The following NRG1 variants were observed in gnomAD, a reference collection of about 807,000 sequenced individuals.
NRG1 encodes neuregulin 1.
Under a neutral mutation model 63.8 loss-of-function variants are expected in NRG1, and 18 were observed. That is an observed-to-expected ratio of 0.28 (90% CI 0.19 to 0.42). The LOEUF is 0.42. Among genes scored for constraint, NRG1 ranks in the 10% least tolerant of loss-of-function variants. NRG1 has a pLI of 1.00. For synonymous variants in NRG1, 302 were observed against 301.3 expected (o/e 1.00, Z -0.02); for missense variants, 762 against 814.7 (o/e 0.94, Z 0.79).
chr8:31,832,249 GTT>G (rs5890599), intron 1 of NRG1, among the ~76,000 whole-genome samples: 153 of 136,108 alleles, frequency 1.1e-3, no homozygotes, highest in South Asian at 2.9e-3. Flanking sequence ...AAATGCTCTA[GTT>G]TTTTTTTTTT....
At chr8:32,377,639 C>G (rs1242488009) in intron 1 of NRG1, among the ~76,000 whole-genome samples, 1 of 152,200 alleles carries the variant, frequency 6.6e-6, no homozygotes, top group East Asian at 1.9e-4. Flanking sequence ...GAAAACCACA[C>G]AGCAGCTTGG....
At chr8:32,293,453 T>C (rs1235660477) in intron 1 of NRG1, among the ~76,000 whole-genome samples, 5 of 152,168 alleles carry the variant, frequency 3.3e-5, no homozygotes, top group Non-Finnish European at 7.3e-5. Flanking sequence ...GCTGACACAT[T>C]GATTTTGTCC....
At chr8:31,924,151 G>A (rs983582357) in intron 1 of NRG1, among the ~76,000 whole-genome samples, 1 of 151,798 alleles carries the variant, frequency 6.6e-6, no homozygotes, top group Admixed American at 6.6e-5. Flanking sequence ...TCAGGAGTTC[G>A]AGACCAGCCT....
exon 12 of NRG1, chr8:32,767,409 C>T (rs1831510835): frequency 6.6e-6 from 1 of 152,178 alleles, no homozygotes; most frequent in South Asian, 2.1e-4. Flanking sequence ...GGCTGCATTC[C>T]ACCAGCCAGA....
chr8:32,296,912 C>T (rs978914918), intron 1 of NRG1, among the ~76,000 whole-genome samples: 38 of 152,070 alleles, frequency 2.5e-4, no homozygotes, highest in African/African-American at 8.4e-4. Flanking sequence ...GTCAAGAGAT[C>T]GAAACCATCC....
intron 1 of NRG1, among the ~76,000 whole-genome samples, chr8:32,283,772 G>T (rs545595325): frequency 6.6e-6 from 1 of 152,236 alleles, no homozygotes; most frequent in South Asian, 2.1e-4. Flanking sequence ...CACCTGCAAG[G>T]TGTTGACTTT....
At chr8:31,929,540 T>C (rs1441346664) in intron 1 of NRG1, among the ~76,000 whole-genome samples, 2 of 152,080 alleles carry the variant, frequency 1.3e-5, no homozygotes, top group African/African-American at 4.8e-5. Flanking sequence ...TAATGACATA[T>C]ATATAATATT....
At chr8:32,626,000 G>C (rs930059610) in intron 5 of NRG1, among the ~76,000 whole-genome samples, 2 of 151,824 alleles carry the variant, frequency 1.3e-5, no homozygotes, top group African/African-American at 2.4e-5. Context: ...CACCATGTTG[G>C]CCAGGCTGGT....
chr8:32,173,568 C>T (rs1299505454), intron 1 of NRG1, among the ~76,000 whole-genome samples: 4 of 151,972 alleles, frequency 2.6e-5, no homozygotes, highest in Admixed American at 2.0e-4. Flanking sequence ...GAGTCAAGAC[C>T]CATCAGTGTG....
intron 1 of NRG1, among the ~76,000 whole-genome samples, chr8:31,829,264 G>A (rs770557163): frequency 1.8e-4 from 27 of 152,102 alleles, no homozygotes; most frequent in Non-Finnish European, 3.5e-4. Context: ...TTGTTCAAAC[G>A]CAAACTCCCC....
chr8:32,432,782 C>T (rs1004641815), intron 1 of NRG1, among the ~76,000 whole-genome samples: 3 of 152,104 alleles, frequency 2.0e-5, no homozygotes, highest in Admixed American at 6.6e-5. Flanking sequence ...GCCACCGCAC[C>T]CAGCCAATCA....
chr8:32,126,231 C>T (rs1834051375), intron 1 of NRG1, among the ~76,000 whole-genome samples: 1 of 151,906 alleles, frequency 6.6e-6, no homozygotes, highest in Non-Finnish European at 1.5e-5. Flanking sequence ...TAGTACCCCA[C>T]TTCCCACCAC....
intron 7 of NRG1, among the ~76,000 whole-genome samples, chr8:32,751,723 C>G (rs940635296): frequency 6.6e-6 from 1 of 152,078 alleles, no homozygotes; most frequent in South Asian, 2.1e-4. Flanking sequence ...GTTACATTAC[C>G]CTTTGGCCTT....
intron 3 of NRG1, among the ~76,000 whole-genome samples, chr8:32,610,871 C>G (rs1348625257): frequency 6.6e-6 from 1 of 152,078 alleles, no homozygotes; most frequent in Admixed American, 6.6e-5. Context: ...GAGTGAATTC[C>G]TTTCATGAAT....
intron 5 of NRG1, chr8:32,648,286 C>T: frequency 6.2e-7 from 1 of 1,614,108 alleles, no homozygotes; most frequent in Non-Finnish European, 8.5e-7. Flanking sequence ...ACTGCGCCAT[C>T]CTTCCCTTCA....
intron 1 of NRG1, among the ~76,000 whole-genome samples, chr8:32,082,853 G>A (rs1827672032): frequency 6.6e-6 from 1 of 152,078 alleles, no homozygotes. Context: ...ACTGTCACAT[G>A]CAAGTATATT....
chr8:31,687,606 CT>C (rs1487069108), intron 1 of NRG1, among the ~76,000 whole-genome samples: 1 of 152,060 alleles, frequency 6.6e-6, no homozygotes, highest in Non-Finnish European at 1.5e-5. Context: ...AGATGTAAAA[CT>C]TTATAGTTTG....
At chr8:32,601,392 C>T (rs1844328613) in intron 2 of NRG1, among the ~76,000 whole-genome samples, 1 of 152,124 alleles carries the variant, frequency 6.6e-6, no homozygotes, top group East Asian at 1.9e-4. Flanking sequence ...TGGCAGGTGG[C>T]TATCCAGACT....
intron 1 of NRG1, among the ~76,000 whole-genome samples, chr8:32,443,026 C>T (rs557356353): frequency 1.3e-5 from 2 of 152,098 alleles, no homozygotes; most frequent in East Asian, 3.9e-4. Context: ...TCTTGACCCC[C>T]TGGGCTCAAG....
Sources: allele counts gnomAD v4.1 joint callset (sites outside exome capture counted in the v4.1 genomes callset), GRCh38; gene constraint gnomAD v4.1.1; transcripts MANE v1.5; gene names NCBI Gene and HGNC (gene_info 2026-07-23, HGNC 2026-07-21).